Variants in ADGRG6 observed in about 807,000 individuals in gnomAD.
ADGRG6 encodes G-protein coupled receptor 126.
In ADGRG6, 84 loss-of-function variants were observed where a neutral mutation model predicts 142.4. That is an observed-to-expected ratio of 0.59 (90% CI 0.49 to 0.71). The LOEUF is 0.71. Among genes scored for constraint, ADGRG6 ranks in the 30% least tolerant of loss-of-function variants. The pLI is 0.00. For missense variants in ADGRG6, 1,367 were observed against 1,466.6 expected (o/e 0.93, Z 1.11); for synonymous variants, 521 against 520.5 (o/e 1.00, Z -0.01).
At chr6:142,316,533 T>C (rs1341743067) in intron 2 of ADGRG6, among the ~76,000 whole-genome samples, 1 of 152,188 alleles carries the variant, frequency 6.6e-6, no homozygotes, top group Non-Finnish European at 1.5e-5. Flanking sequence ...AAAAAAATAC[T>C]CTGGCAATAT....
chr6:142,328,850 C>T (rs930641623), intron 2 of ADGRG6, among the ~76,000 whole-genome samples: 11 of 152,124 alleles, frequency 7.2e-5, no homozygotes, highest in African/African-American at 2.2e-4. Context: ...AACTCTTAAT[C>T]GATGAAATTG....
At chr6:142,352,004 C>T (rs1237777249) in intron 2 of ADGRG6, among the ~76,000 whole-genome samples, 3 of 152,176 alleles carry the variant, frequency 2.0e-5, no homozygotes, top group African/African-American at 7.2e-5. Context: ...AACACTTATA[C>T]ACTGCTGTCA....
At chr6:142,389,641 G>A (rs1196278104) in intron 6 of ADGRG6, among the ~76,000 whole-genome samples, 2 of 151,738 alleles carry the variant, frequency 1.3e-5, no homozygotes, top group Non-Finnish European at 3.0e-5. Flanking sequence ...AATTCTACCT[G>A]CAAATATTGT....
Position 142,302,225 on chromosome 6 carries a change from G to T in ADGRG6, c.-105G>T. ...AAGGAGGGTCCCGCCGCGGCGCAGG[G>T]CTGGGGCGCCTGGGTTCCCCCTGGG... On this transcript the variant is annotated 5_prime_UTR_variant, in exon 1 of 25. Coordinates refer to ENST00000367609, the MANE Select transcript of ADGRG6 (RefSeq NM_198569.3). 2 of 1,368,016 alleles carry T rather than the reference G, an allele frequency of 1.5e-6. No individual in the cohort carries two copies. Among genetic ancestry groups the T allele is most frequent in the South Asian group, 2.6e-5 (2 of 75,742 alleles). The allele number at this position is 1,368,016 out of a possible 1,614,324, so 84.7% of individuals were successfully genotyped here.
At chr6:142,334,008 C>A (rs559238284) in intron 2 of ADGRG6, among the ~76,000 whole-genome samples, 1 of 152,212 alleles carries the variant, frequency 6.6e-6, no homozygotes, top group African/African-American at 2.4e-5. Flanking sequence ...GTGTAAATTA[C>A]CACTGATAAA....
Position 142,417,359 on chromosome 6 carries a change from G to C in ADGRG6, c.3025G>C (p.Gly1009Arg), listed in dbSNP as rs754912058. 8 of 1,530,592 alleles carry C rather than the reference G, an allele frequency of 5.2e-6. No homozygotes were observed. In the South Asian group the frequency reaches 6.8e-5, roughly 13 times the overall value. 94.8% of individuals were successfully genotyped at this position (1,530,592 alleles called of 1,614,324 possible). The change falls in exon 21 of 25, where the codon GGT becomes CGT. Residue 1009 changes from glycine (G) to arginine (R), a missense_variant. Physicochemically the swap from Gly to Arg is moderately radical, Grantham distance 125. This residue lies in a region of ADGRG6 where 344 missense variants were observed against 348.7 expected (regional missense o/e 0.99). Transcript: ENST00000367609. ...AAAAGAAAGTTATGGGAAAGAAAAA[G>C]GTGATGAATTGTAAGTAATAAAAAC... is the stretch of plus-strand genomic sequence containing the variant. Reference protein sequence around the residue: ...YGKESYGKEKGDEFCWIQDPV... With the variant: ...YGKESYGKEKRDEFCWIQDPV...
At chr6:142,312,081 G>A (rs184563570) in intron 2 of ADGRG6, among the ~76,000 whole-genome samples, 126 of 152,000 alleles carry the variant, frequency 8.3e-4, no homozygotes, top group Non-Finnish European at 1.5e-3. Flanking sequence ...TCAAAGGAGC[G>A]CCACTGGATC....
rs1290599448 is a variant in ADGRG6 at position 142,443,339 on chromosome 6, A to G, written c.3577A>G (p.Ser1193Gly). 11 of 1,606,596 alleles carry G rather than the reference A, an allele frequency of 6.8e-6. No individual in the cohort carries two copies. Among genetic ancestry groups the G allele is most frequent in the Non-Finnish European group, 9.4e-6 (11 of 1,176,388 alleles). ...ATTTCTTGTATCATTTCTTGCAGACAGTGCTTCCATGGACAAGTCCTTGTC... is the reference window on the plus strand; with the variant it reads ...ATTTCTTGTATCATTTCTTGCAGACGGTGCTTCCATGGACAAGTCCTTGTC... The part of the protein sequence containing the change: ...TYFKRNSHTD[S>G]ASMDKSLSKL... Residue 1193 changes from serine (S) to glycine (G), a missense_variant and splice_region_variant, in exon 25 of 25, where the codon AGT becomes GGT. Transcript: ENST00000367609.
intron 1 of ADGRG6, among the ~76,000 whole-genome samples, chr6:142,304,405 C>T (rs534847478): frequency 1.1e-4 from 16 of 152,218 alleles, no homozygotes; most frequent in East Asian, 9.6e-4. Flanking sequence ...TGCATTAATT[C>T]GTCTCAAGCT....
intron 2 of ADGRG6, among the ~76,000 whole-genome samples, chr6:142,351,809 T>C (rs1002917627): frequency 1.3e-5 from 2 of 152,116 alleles, no homozygotes; most frequent in African/African-American, 4.8e-5. Context: ...AAAGGTCAAA[T>C]ATCCAGGATC....
chr6:142,312,792 C>T (rs747735069), intron 2 of ADGRG6, among the ~76,000 whole-genome samples: 8 of 151,978 alleles, frequency 5.3e-5, no homozygotes, highest in African/African-American at 1.9e-4. Flanking sequence ...CTGGAAGAGA[C>T]GTTGTTCACT....
chr6:142,361,545 G>A (rs1780716798), intron 2 of ADGRG6, among the ~76,000 whole-genome samples: 1 of 152,112 alleles, frequency 6.6e-6, no homozygotes, highest in South Asian at 2.1e-4. Context: ...TGTGCTCAGA[G>A]GCATCCAGTG....
chr6:142,395,023 A>C lies in ADGRG6; in HGVS notation c.1424+1065A>C, dbSNP rs76013966. Among the ~76,000 whole-genome samples the C allele has an allele frequency of 5.8e-4, 89 of 152,300 alleles. 1 individual carries two copies. In the East Asian group the frequency reaches 0.016, roughly 28 times the overall value. Reference sequence around the variant, plus strand: ...CGGAGCTTGCTTCTTTTCAGGTGATATCTTCTTACTATGAAAAGATAAAAT... The same window carrying C: ...CGGAGCTTGCTTCTTTTCAGGTGATCTCTTCTTACTATGAAAAGATAAAAT... On this transcript the variant is annotated intron_variant, in intron 9 of 24. Transcript: ENST00000367609.
intron 20 of ADGRG6, 178 bp from the exon 21 acceptor site, chr6:142,417,095 G>T: frequency 1.5e-6 from 1 of 658,380 alleles, no homozygotes. Context: ...GAACCCCAAG[G>T]AGGGGATTTT....
chr6:142,309,411 C>T (rs1476398616), intron 1 of ADGRG6, 133 bp from the exon 2 acceptor site: 2 of 534,874 alleles, frequency 3.7e-6, no homozygotes, highest in South Asian at 6.2e-5. Flanking sequence ...TTTTAAGTTC[C>T]TCCTCTATTT....
chr6:142,353,691 T>C (rs1780297981), intron 2 of ADGRG6, among the ~76,000 whole-genome samples: 1 of 152,194 alleles, frequency 6.6e-6, no homozygotes, highest in Admixed American at 6.5e-5. Context: ...GTTTCTTTTT[T>C]ATATTTCTGA....
chr6:142,349,545 C>T (rs926863291), intron 2 of ADGRG6, among the ~76,000 whole-genome samples: 3 of 152,200 alleles, frequency 2.0e-5, no homozygotes, highest in African/African-American at 7.2e-5. Context: ...GAGGGAAACT[C>T]AACAGGGTAC....
chr6:142,399,477 G>A (rs1180795265), intron 10 of ADGRG6, among the ~76,000 whole-genome samples: 28 of 152,132 alleles, frequency 1.8e-4, no homozygotes, highest in Admixed American at 1.8e-3. Context: ...TCTTCACAAA[G>A]AAGGAGTCTG....
intron 2 of ADGRG6, among the ~76,000 whole-genome samples, chr6:142,336,850 G>A (rs887805466): frequency 6.6e-6 from 1 of 152,172 alleles, no homozygotes; most frequent in South Asian, 2.1e-4. Flanking sequence ...AGTGAGAAAT[G>A]GCCCTGGGGC....
Sources: allele counts gnomAD v4.1 joint callset (sites outside exome capture counted in the v4.1 genomes callset), GRCh38; gene constraint gnomAD v4.1.1; regional missense constraint gnomAD v4.1.1; transcripts MANE v1.5; gene names NCBI Gene and HGNC (gene_info 2026-07-23, HGNC 2026-07-21).